The following TASOR2 variants were observed in gnomAD, a reference collection of about 807,000 sequenced individuals.
TASOR2 encodes the protein protein TASOR 2.
In TASOR2, 84 loss-of-function variants were observed where a neutral mutation model predicts 199.5. That is an observed-to-expected ratio of 0.42 (90% CI 0.35 to 0.50). TASOR2 has a LOEUF of 0.50. Among genes scored for constraint, TASOR2 ranks in the 20% least tolerant of loss-of-function variants. TASOR2 has a pLI of 0.02. For missense variants in TASOR2, 2,796 were observed against 2,835.9 expected (o/e 0.99, Z 0.32); for synonymous variants, 1,103 against 1,046.6 (o/e 1.05, Z -1.04).
exon 3 of TASOR2, chr10:5,717,692 A>T (rs1455194706): frequency 8.2e-7 from 1 of 1,226,376 alleles, no homozygotes. Context: ...GACTGTCTTC[A>T]TTCAAGACCA....
Position 5,733,399 on chromosome 10 carries a change from T to C in TASOR2, c.1205-1905T>C, listed in dbSNP as rs577307467. On this transcript the variant is annotated intron_variant, in intron 11 of 20. Transcript: ENST00000328090. ...GGCACTTGCCTGTAATCCCAGCAAC[T>C]TGGGAGGCTGAGACACGAGAATCTC... is the stretch of plus-strand genomic sequence containing the variant. Among the ~76,000 whole-genome samples, 155 of 152,158 alleles carry C rather than the reference T, an allele frequency of 1.0e-3. 1 individual carries two copies. The highest frequency in any genetic ancestry group is 3.6e-3 in the African/African-American group (148 of 41,514).
chr10:5,695,547 G>T (rs1469713806), intron 1 of TASOR2, among the ~76,000 whole-genome samples: 1 of 152,176 alleles, frequency 6.6e-6, no homozygotes, highest in Non-Finnish European at 1.5e-5. Flanking sequence ...AGCTACCATT[G>T]TAGGAGGTAG....
At chr10:5,733,333 C>T (rs1351963034) in intron 11 of TASOR2, among the ~76,000 whole-genome samples, 1 of 151,982 alleles carries the variant, frequency 6.6e-6, no homozygotes, top group Non-Finnish European at 1.5e-5. Context: ...CATGGTGAAA[C>T]CCCGTCTCTA....
rs1270905855 is a variant in TASOR2 at position 5,713,554 on chromosome 10, C to T, written c.-192+636C>T. Among the ~76,000 whole-genome samples, 4 of 151,938 alleles carry T rather than the reference C, an allele frequency of 2.6e-5. No individual in the cohort carries two copies. In the South Asian group the frequency reaches 6.2e-4, roughly 24 times the overall value. On this transcript the variant is annotated intron_variant, in intron 2 of 20. Coordinates refer to ENST00000328090, the Ensembl canonical transcript of TASOR2. ...AAAGAAGGGGGGCAGATTTGTTTAG[C>T]GGATAATTAGCACTAACATATAATA...
rs1313482315 is a variant in TASOR2 at position 5,754,578 on chromosome 10, T to A, written c.6607-2035T>A. On this transcript the variant is annotated intron_variant, in intron 15 of 20. Coordinates refer to ENST00000328090, the Ensembl canonical transcript of TASOR2. This position sits in a 1 kb window ranked among gnomAD's most constrained non-coding sequence, Gnocchi z 4.3. The stretch of plus-strand genomic sequence containing the variant: ...CTAATTTTTGTATTTTTAGTAGAGA[T>A]GGGGTTTCACCATGTTGGCCAGGCT... Among the ~76,000 whole-genome samples the A allele has an allele frequency of 1.3e-5, 2 of 151,902 alleles. No homozygotes were observed. Among genetic ancestry groups the A allele is most frequent in the Non-Finnish European group, 2.9e-5 (2 of 67,970 alleles).
At chr10:5,749,718 T>A (rs1015437190) in exon 15 of TASOR2, 32 of 1,614,082 alleles carry the variant, frequency 2.0e-5, no homozygotes, top group African/African-American at 5.3e-5. Context: ...AATACAACAG[T>A]ACTGTGAAGG....
chr10:5,717,560 A>G (rs775807324), intron 2 of TASOR2, 99 bp from the exon 4 acceptor site: 3 of 441,356 alleles, frequency 6.8e-6, no homozygotes, highest in African/African-American at 4.1e-5. Context: ...TCCTGTCTCA[A>G]CTATCACAGT....
At chr10:5,747,189 T>C (rs1474818291) in exon 15 of TASOR2, 22 of 1,614,068 alleles carry the variant, frequency 1.4e-5, no homozygotes, top group Non-Finnish European at 1.5e-5. Context: ...AAGCGTTTGA[T>C]TCAGTATTTA....
At chr10:5,721,536 A>G (rs1345515199) in intron 6 of TASOR2, among the ~76,000 whole-genome samples, 3 of 148,124 alleles carry the variant, frequency 2.0e-5, no homozygotes, top group Admixed American at 2.0e-4. Context: ...GTGAGGATTC[A>G]TTTTTTTTTT....
chr10:5,716,822 C>T (rs1357561269), intron 2 of TASOR2, among the ~76,000 whole-genome samples: 3 of 151,490 alleles, frequency 2.0e-5, no homozygotes, highest in African/African-American at 4.8e-5. Flanking sequence ...GGCCAAGACT[C>T]GAGAGTTGCT....
chr10:5,724,555 T>C, intron 8 of TASOR2, 22 bp downstream of exon 9: 6 of 1,060,180 alleles, frequency 5.7e-6, no homozygotes, highest in Non-Finnish European at 7.6e-6. Flanking sequence ...TAATTTAAAA[T>C]ATAATTATTA....
rs201959475 is a variant in TASOR2 at position 5,720,803 on chromosome 10, G to GTT, written c.46+38_46+39dup. 9.7e-6 allele frequency: 14 copies of GTT among 1,436,008 alleles called. No individual in the cohort carries two copies. Among genetic ancestry groups the GTT allele is most frequent in the East Asian group, 7.8e-5 (3 of 38,544 alleles). The allele number at this position is 1,436,008 out of a possible 1,614,324, so 89.0% of individuals were successfully genotyped here. A position where few individuals can be genotyped will look rare whatever the true frequency, so the allele number is the denominator to read the frequency against. ...AGAAATAGTTCATTGATTCTTTTAGGTTTTTTTTTTCTTGAGTAAATGTTT... is the reference window on the plus strand; with the variant it reads ...AGAAATAGTTCATTGATTCTTTTAGGTTTTTTTTTTTTCTTGAGTAAATGTTT... On this transcript the variant is annotated intron_variant, in intron 5 of 20. Coordinates refer to ENST00000328090, the Ensembl canonical transcript of TASOR2. The surrounding 1 kb of genome is among the most constrained non-coding windows in gnomAD (Gnocchi z 5.3).
rs559937323 is a variant in TASOR2 at position 5,750,318 on chromosome 10, G to A, written c.6606+291G>A. The stretch of plus-strand genomic sequence containing the variant: ...TCAAGTGTAAATACAAACACATTCC[G>A]ATGTTAAAATACAGATTTTTTGAAA... On this transcript the variant is annotated intron_variant, in intron 15 of 20. Coordinates refer to ENST00000328090, the Ensembl canonical transcript of TASOR2. This position sits in a 1 kb window ranked among gnomAD's most constrained non-coding sequence, Gnocchi z 5.4. 1.5e-4 allele frequency among the ~76,000 whole-genome samples: 23 copies of A among 152,162 alleles called. No homozygotes were observed. Among genetic ancestry groups the A allele is most frequent in the Non-Finnish European group, 2.8e-4 (19 of 68,028 alleles).
chr10:5,692,076 G>A (rs1367708830), intron 1 of TASOR2, among the ~76,000 whole-genome samples: 1 of 145,694 alleles, frequency 6.9e-6, no homozygotes, highest in Non-Finnish European at 1.5e-5. Flanking sequence ...TCAGAAGGCT[G>A]AGGCAGGGGA....
At chr10:5,704,598 A>G (rs1287118523) in intron 1 of TASOR2, among the ~76,000 whole-genome samples, 1 of 151,986 alleles carries the variant, frequency 6.6e-6, no homozygotes, top group Non-Finnish European at 1.5e-5. Flanking sequence ...CTTCGGTTTA[A>G]TTAATATCTG....
In TASOR2 at chr10:5,685,329, G is replaced by GT. The variant is rs1251333849; in HGVS notation, c.-288+155dup. ...CGCTCCGGGTGAGGGGGTGGGAGGGGTCGGCGCCTTCTAGATGACTCAACC... is the reference window on the plus strand; with the variant it reads ...CGCTCCGGGTGAGGGGGTGGGAGGGGTTCGGCGCCTTCTAGATGACTCAACC... On this transcript the variant is annotated intron_variant, in intron 1 of 20. Coordinates refer to ENST00000328090, the Ensembl canonical transcript of TASOR2. This position sits in a 1 kb window ranked among gnomAD's most constrained non-coding sequence, Gnocchi z 5.4. 6.6e-6 allele frequency among the ~76,000 whole-genome samples: 1 copy of GT among 151,964 alleles called. No individual in the cohort carries two copies. Among genetic ancestry groups the GT allele is most frequent in the Non-Finnish European group, 1.5e-5 (1 of 67,976 alleles).
At chr10:5,755,211 A>C (rs562117291) in intron 15 of TASOR2, among the ~76,000 whole-genome samples, 1 of 152,246 alleles carries the variant, frequency 6.6e-6, no homozygotes, top group Admixed American at 6.5e-5. Flanking sequence ...GTTAAATCTC[A>C]TAAGAATTTT....
chr10:5,724,312 A>G, intron 7 of TASOR2, 118 bp from the exon 9 acceptor site: 1 of 428,498 alleles, frequency 2.3e-6, no homozygotes, highest in Non-Finnish European at 4.3e-6. Context: ...TAAATGATAA[A>G]GGTTTCTGAG....
At chr10:5,693,239 C>T (rs1053998043) in intron 1 of TASOR2, among the ~76,000 whole-genome samples, 2 of 152,144 alleles carry the variant, frequency 1.3e-5, no homozygotes, top group South Asian at 2.1e-4. Flanking sequence ...CTTGCAGAAC[C>T]GCCAGAGAGA....
Sources: gnomAD v4.1 joint callset for allele counts (sites outside exome capture counted in the v4.1 genomes callset) on GRCh38, gnomAD v4.1.1 for gene constraint, Gnocchi (gnomAD v3.1) non-coding constraint, MANE v1.5 for transcripts, NCBI Gene and HGNC (gene_info 2026-07-23, HGNC 2026-07-21) for gene names.